The following MRAS variants were observed in gnomAD, a reference collection of about 807,000 sequenced individuals.
The protein encoded by MRAS is ras-related protein M-Ras.
In MRAS, 4 loss-of-function variants were observed where a neutral mutation model predicts 20.9. The observed-to-expected ratio is 0.19, with a 90% CI of 0.09 to 0.44. The LOEUF (loss-of-function observed/expected upper bound fraction) is 0.44. Ranked by LOEUF, MRAS falls within the 20% of genes least tolerant of loss-of-function variation. The probability of loss-of-function intolerance (pLI) is 0.99; values close to 1 mark genes in which losing one functional copy is unlikely to be tolerated. For missense variants in MRAS, 154 were observed against 277.5 expected, an observed-to-expected ratio of 0.56 and a Z score of 3.16; for synonymous variants, 98 against 102.9, an observed-to-expected ratio of 0.95 and a Z score of 0.29.
intron 1 of MRAS, among the ~76,000 whole-genome samples, chr3:138,366,416 A>G (rs988045105): frequency 6.6e-6 from 1 of 152,342 alleles, no homozygotes; most frequent in Non-Finnish European, 1.5e-5. Context: ...AATACTTGCA[A>G]TTCAATTGGT....
At chr3:138,362,390 C>G (rs1023951743) in intron 1 of MRAS, among the ~76,000 whole-genome samples, 1 of 152,164 alleles carries the variant, frequency 6.6e-6, no homozygotes, top group Non-Finnish European at 1.5e-5. Context: ...TAACCCTCCC[C>G]CACAACTTTC....
chr3:138,365,947 C>T (rs997727672), intron 1 of MRAS, among the ~76,000 whole-genome samples: 2 of 152,140 alleles, frequency 1.3e-5, no homozygotes, highest in Non-Finnish European at 2.9e-5. Context: ...GGCTTAATAA[C>T]GGAGTGAGCT....
In MRAS at chr3:138,371,020, C is replaced by G. The variant is rs561767485; in HGVS notation, c.-18-1846C>G. On this transcript the variant is annotated intron_variant, in intron 1 of 5. Transcript: ENST00000423968. ...ATATGGATAAACTTTAACTTTTCCCCCCAACATTAAGTTATTTCTATTTTC... is the reference window on the plus strand; with the variant it reads ...ATATGGATAAACTTTAACTTTTCCCGCCAACATTAAGTTATTTCTATTTTC... 3.3e-5 allele frequency among the ~76,000 whole-genome samples: 5 copies of G among 152,288 alleles called. No homozygotes were observed. The East Asian group carries it at 9.7e-4, about 29-fold the overall frequency.
At chr3:138,358,383 A>G (rs1481222526) in intron 1 of MRAS, among the ~76,000 whole-genome samples, 2 of 152,166 alleles carry the variant, frequency 1.3e-5, no homozygotes, top group Non-Finnish European at 2.9e-5. Flanking sequence ...CTCATCTAAA[A>G]AAGAATTAGG....
chr3:138,397,219 T>G (rs1167466639), intron 2 of MRAS, 105 bp from the exon 3 acceptor site: 1 of 1,381,234 alleles, frequency 7.2e-7, no homozygotes, highest in Non-Finnish European at 9.9e-7. Flanking sequence ...CAGCTCGGAC[T>G]GGGCCACGGT....
At chr3:138,390,249 C>A (rs540932283) in intron 2 of MRAS, among the ~76,000 whole-genome samples, 19 of 152,280 alleles carry the variant, frequency 1.2e-4, no homozygotes, top group African/African-American at 4.3e-4. Flanking sequence ...AAGCTCCCAG[C>A]AGTTCCAGGG....
intron 2 of MRAS, among the ~76,000 whole-genome samples, chr3:138,395,418 G>T (rs1016276113): frequency 6.6e-6 from 1 of 151,928 alleles, no homozygotes; most frequent in African/African-American, 2.4e-5. Flanking sequence ...AGTGTGGCAG[G>T]CCCCACCATC....
chr3:138,354,097 A>G (rs776998668), intron 1 of MRAS, among the ~76,000 whole-genome samples: 4 of 152,198 alleles, frequency 2.6e-5, no homozygotes, highest in Non-Finnish European at 2.9e-5. Flanking sequence ...CCTGTGCACA[A>G]AGATGTGGTG....
Position 138,352,201 on chromosome 3 carries a change from C to T in MRAS, c.-19+3434C>T, listed in dbSNP as rs991736383. On this transcript the variant is annotated intron_variant, in intron 1 of 5. Coordinates refer to ENST00000423968, the MANE Select transcript of MRAS (RefSeq NM_001085049.3). Reference sequence around the variant, plus strand: ...GAGGTTCAGGCTGAGGTGGAGACCACGCTGCACTCGCCATGCATTCAATGG... The same window carrying T: ...GAGGTTCAGGCTGAGGTGGAGACCATGCTGCACTCGCCATGCATTCAATGG... 2.6e-5 allele frequency among the ~76,000 whole-genome samples: 4 copies of T among 152,206 alleles called. No homozygotes were observed. The South Asian group carries it at 8.3e-4, about 31-fold the overall frequency.
At chr3:138,350,193 G>C (rs1258020476) in intron 1 of MRAS, 3 of 152,220 alleles carry the variant, frequency 2.0e-5, no homozygotes, top group Non-Finnish European at 4.4e-5. Flanking sequence ...GGTTCTTAGA[G>C]CTTCTCCTGC....
In MRAS at chr3:138,384,764, G is replaced by A. The variant is rs1282924006; in HGVS notation, c.193+11688G>A. 2.6e-5 allele frequency among the ~76,000 whole-genome samples: 4 copies of A among 152,260 alleles called. No homozygotes were observed. In the East Asian group the frequency reaches 7.7e-4, roughly 29 times the overall value. On this transcript the variant is annotated intron_variant, in intron 2 of 5. Coordinates refer to ENST00000423968, the MANE Select transcript of MRAS (RefSeq NM_001085049.3). ...AGAGAAGGACCCACCAATGTTTAGAGGCTGGGGAGAAGAGGAGACAGGGCA... is the reference window on the plus strand; with the variant it reads ...AGAGAAGGACCCACCAATGTTTAGAAGCTGGGGAGAAGAGGAGACAGGGCA...
intron 2 of MRAS, among the ~76,000 whole-genome samples, chr3:138,383,537 C>T (rs2054948245): frequency 6.6e-6 from 1 of 152,008 alleles, no homozygotes; most frequent in African/African-American, 2.4e-5. Flanking sequence ...AAGAATAGGT[C>T]CCATCACCTG....
At chr3:138,377,649 C>T (rs2054812324) in intron 2 of MRAS, among the ~76,000 whole-genome samples, 1 of 152,134 alleles carries the variant, frequency 6.6e-6, no homozygotes, top group Non-Finnish European at 1.5e-5. Flanking sequence ...GGGTCCTGCT[C>T]CCCTGAGGCC....
At chr3:138,398,435 A>C in intron 3 of MRAS, 34 bp from the exon 4 acceptor site, 2 of 1,579,746 alleles carry the variant, frequency 1.3e-6, no homozygotes, top group Non-Finnish European at 1.7e-6. Context: ...GGGTGGTGGA[A>C]ACCTCACAGA....
At chr3:138,353,898 T>C (rs2054277458) in intron 1 of MRAS, among the ~76,000 whole-genome samples, 1 of 152,236 alleles carries the variant, frequency 6.6e-6, no homozygotes, top group Non-Finnish European at 1.5e-5. Context: ...CAGAAAGGAA[T>C]CTGGCCATGG....
chr3:138,389,394 C>T (rs2055082110), intron 2 of MRAS, among the ~76,000 whole-genome samples: 1 of 151,358 alleles, frequency 6.6e-6, no homozygotes, highest in Admixed American at 6.6e-5. Context: ...ACAGATGACA[C>T]ACGCAACAGG....
chr3:138,372,896 G>A lies in MRAS; in HGVS notation c.13G>A (p.Ala5Thr), dbSNP rs767548259. 19 of 1,542,598 alleles carry A rather than the reference G, an allele frequency of 1.2e-5. No homozygotes were observed. The highest frequency in any genetic ancestry group is 2.6e-5 in the East Asian group (1 of 38,424). The change falls in exon 2 of 6, where the codon GCC becomes ACC. Residue 5 changes from alanine to threonine, a missense_variant. This residue lies in a region of MRAS where 27 missense variants were observed against 42.0 expected (regional missense o/e 0.64). Transcript: ENST00000423968. Reference protein sequence around the residue: MATSAVPSDNLPTYK... With the variant: MATSTVPSDNLPTYK... ...ACCTACGAGAAACATGGCAACCAGC[G>A]CCGTCCCCAGTGACAACCTCCCCAC...
At chr3:138,348,549 T>C (rs1331446777), upstream of MRAS, 1 of 151,908 alleles carries the variant, frequency 6.6e-6, no homozygotes, top group Non-Finnish European at 1.5e-5. Context: ...GCTGTGGCAA[T>C]ATAAGGAATG....
chr3:138,367,264 G>C (rs994800765), intron 1 of MRAS, among the ~76,000 whole-genome samples: 1 of 152,140 alleles, frequency 6.6e-6, no homozygotes, highest in African/African-American at 2.4e-5. Context: ...TTTTCTCACT[G>C]AGGCCTTACA....
Sources: gnomAD v4.1 joint callset for allele counts (sites outside exome capture counted in the v4.1 genomes callset) on GRCh38, gnomAD v4.1.1 for gene constraint, gnomAD v4.1.1 regional missense constraint, MANE v1.5 for transcripts, NCBI Gene and HGNC (gene_info 2026-07-23, HGNC 2026-07-21) for gene names.